Variants in SON observed in about 807,000 individuals in gnomAD.
SON encodes the protein SON DNA and RNA binding protein.
SON carries 4 observed loss-of-function variants against 173.3 expected under a neutral mutation model. That is an observed-to-expected ratio of 0.02 (90% CI 0.01 to 0.05). SON has a LOEUF of 0.05. Among genes scored for constraint, SON ranks in the 10% least tolerant of loss-of-function variants. SON has a pLI of 1.00. For synonymous variants in SON, 1,190 were observed against 1,105.9 expected, an observed-to-expected ratio of 1.08 and a Z score of -1.51; for missense variants, 2,626 against 3,055.3, an observed-to-expected ratio of 0.86 and a Z score of 3.31.
Position 33,549,859 on chromosome 21 carries a change from A to G in SON, c.628A>G (p.Lys210Glu). The change falls in exon 3 of 12, where the codon AAA (lysine) becomes GAA (glutamate). Residue 210 changes from lysine to glutamate, a missense_variant. Physicochemically the swap from Lys to Glu is moderately conservative, Grantham distance 56. Around this residue, in one of 13 missense-constraint regions of SON, gnomAD observed 757 missense variants for 730.1 expected, o/e 1.04. Coordinates refer to ENST00000356577, the MANE Select transcript of SON (RefSeq NM_138927.4). ...HILETLKPAT[K>E]TAELSVVSTS... Reference sequence around the variant, plus strand: ...CTTAGAAACTCTGAAGCCAGCTACAAAAACTGCAGAACTGTCAGTTGTATC... The same window carrying G: ...CTTAGAAACTCTGAAGCCAGCTACAGAAACTGCAGAACTGTCAGTTGTATC... The G allele has an allele frequency of 6.2e-7, 1 of 1,614,254 alleles. No individual in the cohort carries two copies. Among genetic ancestry groups the G allele is most frequent in the Non-Finnish European group, 8.5e-7 (1 of 1,180,048 alleles).
chr21:33,575,684 G>T lies in SON; in HGVS notation c.7105+17G>T, dbSNP rs746796692. 3.1e-6 allele frequency: 5 copies of T among 1,605,978 alleles called. No homozygotes were observed. Among genetic ancestry groups the T allele is most frequent in the Non-Finnish European group, 4.3e-6 (5 of 1,174,488 alleles). ...ATCTGTCAGGTGAGAGCACGTTTTT[G>T]AATTTCCTCTTACCCTAATCCCACC... On this transcript the variant is annotated intron_variant, in intron 10 of 11. Transcript: ENST00000356577.
At position 33,552,881 on chromosome 21, in the gene SON, A is replaced by T. The variant is rs779793339; in HGVS notation, c.3650A>T (p.Gln1217Leu). ...SVSQPEPPVS[Q>L]SEISEPSAVP... is the part of the protein sequence containing the mutation. ...TCGCAGCCTGAGCCTCCTGTGAGTC[A>T]AAGTGAGATTTCGGAGCCTTCAGCA... is the stretch of plus-strand genomic sequence containing the variant. The change falls in exon 3 of 12, where the codon CAA (glutamine) becomes CTA (leucine). Residue 1217 changes from glutamine (Q) to leucine (L), a missense_variant. Coordinates refer to ENST00000356577, the MANE Select transcript of SON (RefSeq NM_138927.4). The surrounding 1 kb of genome is among the most constrained non-coding windows in gnomAD (Gnocchi z 5.6). The T allele has an allele frequency of 1.3e-5, 21 of 1,613,536 alleles. No individual in the cohort carries two copies. The highest frequency in any genetic ancestry group is 1.7e-5 in the Non-Finnish European group (20 of 1,179,480).
At position 33,550,328 on chromosome 21, in the gene SON, A is replaced by G. The variant is rs2085737052; in HGVS notation, c.1097A>G (p.Lys366Arg). The G allele has an allele frequency of 6.2e-7, 1 of 1,613,940 alleles. No homozygotes were observed. Among genetic ancestry groups the G allele is most frequent in the Non-Finnish European group, 8.5e-7 (1 of 1,179,950 alleles). Residue 366 changes from lysine (K) to arginine (R), a missense_variant, in exon 3 of 12, where the codon AAG becomes AGG. Physicochemically the swap from Lys to Arg is conservative, Grantham distance 26. This residue lies in a region of SON where 757 missense variants were observed against 730.1 expected (regional missense o/e 1.04). Transcript: ENST00000356577. ...CCGCAGGAGTTGCCGGAGCTGCCTA[A>G]GACCACAGCGTTGGAGCTGCAGGAG... ...TRPQELPELP[K>R]TTALELQESS...
chr21:33,575,538 G>T, intron 9 of SON, 58 bp from the exon 10 acceptor site: 1 of 1,298,700 alleles, frequency 7.7e-7, no homozygotes, highest in Non-Finnish European at 1.1e-6. Flanking sequence ...CCTACAGAGG[G>T]ATCTTTGTTT....
intron 6 of SON, among the ~76,000 whole-genome samples, chr21:33,562,970 A>C (rs1221140429): frequency 6.6e-6 from 1 of 152,146 alleles, no homozygotes; most frequent in African/African-American, 2.4e-5. Context: ...TTAGATGTTA[A>C]GATCATCTTT....
chr21:33,561,034 C>G (rs927515759), intron 6 of SON: 1 of 152,196 alleles, frequency 6.6e-6, no homozygotes, highest in African/African-American at 2.4e-5. Flanking sequence ...AAGCTATTCA[C>G]AGCTGACATT....
At chr21:33,560,487 A>G in intron 6 of SON, 3 of 1,011,570 alleles carry the variant, frequency 3.0e-6, no homozygotes, top group South Asian at 4.3e-5. Context: ...AATAATGCCA[A>G]GTGTCAAAAC....
At position 33,559,544 on chromosome 21, in the gene SON, G is replaced by T. The variant is rs370314823; in HGVS notation, c.6469-43G>T. On this transcript the variant is annotated intron_variant, in intron 5 of 11. Transcript: ENST00000356577. This position sits in a 1 kb window ranked among gnomAD's most constrained non-coding sequence, Gnocchi z 4.1. ...AGAAAATCTCAAACCATTTAATGTA[G>T]ATATCATATTGAGCTTTAATTAAGA... The T allele has an allele frequency of 4.7e-5, 72 of 1,545,094 alleles. No homozygotes were observed. The highest frequency in any genetic ancestry group is 6.2e-5 in the Non-Finnish European group (70 of 1,136,698).
At chr21:33,573,036 TA>T in intron 8 of SON, 1 of 312,586 alleles carries the variant, frequency 3.2e-6, no homozygotes, top group East Asian at 5.6e-5. Flanking sequence ...AGGAGTGTTC[TA>T]ATTTTTTTTT....
chr21:33,555,585 C>T (rs1338218905), intron 3 of SON, among the ~76,000 whole-genome samples, 194 bp downstream of exon 3: 2 of 152,106 alleles, frequency 1.3e-5, no homozygotes, highest in Non-Finnish European at 2.9e-5. Context: ...GTTAAAAAGT[C>T]CTGTTTCAGA....
intron 1 of SON, 134 bp downstream of exon 1, chr21:33,543,303 C>G: frequency 1.2e-6 from 1 of 800,084 alleles, no homozygotes; most frequent in Non-Finnish European, 2.1e-6. Flanking sequence ...GCCTGGGATC[C>G]ATTTTCCGGG....
chr21:33,573,833 A>G (rs189377497), intron 9 of SON, among the ~76,000 whole-genome samples: 1 of 151,364 alleles, frequency 6.6e-6, no homozygotes, highest in Admixed American at 6.6e-5. Flanking sequence ...TTTTTGTTAG[A>G]TATTTTAGCA....
intron 7 of SON, 69 bp from the exon 8 acceptor site, chr21:33,568,902 G>T (rs1378682325): frequency 1.2e-6 from 1 of 846,272 alleles, no homozygotes; most frequent in Admixed American, 2.3e-5. Context: ...CATTTTTAGT[G>T]AATTATTACC....
intron 6 of SON, among the ~76,000 whole-genome samples, chr21:33,565,805 T>C (rs1229126555): frequency 2.0e-5 from 3 of 152,230 alleles, no homozygotes; most frequent in African/African-American, 7.2e-5. Context: ...AAAGGATTAA[T>C]TTTGTTTTCA....
At chr21:33,555,923 T>TA (rs2085957251) in intron 3 of SON, among the ~76,000 whole-genome samples, 1 of 152,240 alleles carries the variant, frequency 6.6e-6, no homozygotes, top group Non-Finnish European at 1.5e-5. Flanking sequence ...GGGTAGGTGA[T>TA]ACTAGCTAAA....
At chr21:33,573,053 G>A (rs2086321331) in intron 8 of SON, 1 of 326,830 alleles carries the variant, frequency 3.1e-6, no homozygotes. Flanking sequence ...TTTTTTTTGA[G>A]GGGGGCACGA....
chr21:33,551,556 G>A lies in SON; in HGVS notation c.2325G>A (p.Met775Ile). Residue 775 changes from methionine to isoleucine, a missense_variant, in exon 3 of 12, where the codon ATG becomes ATA. This residue lies in a region of SON where 182 missense variants were observed against 193.6 expected (regional missense o/e 0.94). Transcript: ENST00000356577. The part of the protein sequence containing the change: ...MLATSSMDSQ[M>I]LATSSMDSQM... ...CAACTAGCTCCATGGACTCCCAGATGTTAGCAACTAGCTCCATGGACTCCC... is the reference window on the plus strand; with the variant it reads ...CAACTAGCTCCATGGACTCCCAGATATTAGCAACTAGCTCCATGGACTCCC... The A allele has an allele frequency of 6.2e-7, 1 of 1,613,974 alleles. No homozygotes were observed. Among genetic ancestry groups the A allele is most frequent in the East Asian group, 2.2e-5 (1 of 44,884 alleles).
rs186478702 is a variant in SON, at chr21:33,543,946, A to G, written c.77+777A>G. ...TACATAATTTGCGCTTGGCTTCACA[A>G]AATTTGAAGGCGAAGAGATTGTTAA... On this transcript the variant is annotated intron_variant, in intron 1 of 11. Coordinates refer to ENST00000356577, the MANE Select transcript of SON (RefSeq NM_138927.4). Among the ~76,000 whole-genome samples, 26 of 152,324 alleles carry G rather than the reference A, an allele frequency of 1.7e-4. 1 individual carries two copies. Among genetic ancestry groups the G allele is most frequent in the Admixed American group, 1.7e-3 (26 of 15,308 alleles).
Position 33,554,227 on chromosome 21 carries a change from C to T in SON, c.4996C>T (p.Leu1666Phe), listed in dbSNP as rs776908520. ...GCCTTTGCCTGCTAAAGATATTCATCTTGATTTACCATCTAATAATAACCT... is the reference window on the plus strand; with the variant it reads ...GCCTTTGCCTGCTAAAGATATTCATTTTGATTTACCATCTAATAATAACCT... Reference protein sequence around the residue: ...EGPLPAKDIHLDLPSNNNLVS... With the variant: ...EGPLPAKDIHFDLPSNNNLVS... The change falls in exon 3 of 12, where the codon CTT (leucine) becomes TTT (phenylalanine). Residue 1666 changes from leucine to phenylalanine, a missense_variant. Physicochemically the swap from Leu to Phe is conservative, Grantham distance 22. Transcript: ENST00000356577. 1.1e-5 allele frequency: 17 copies of T among 1,613,972 alleles called. No homozygotes were observed. The highest frequency in any genetic ancestry group is 2.7e-5 in the African/African-American group (2 of 74,922).
Sources: gnomAD v4.1 joint callset for allele counts (sites outside exome capture counted in the v4.1 genomes callset) on GRCh38, gnomAD v4.1.1 for gene constraint, gnomAD v4.1.1 regional missense constraint, Gnocchi (gnomAD v3.1) non-coding constraint, MANE v1.5 for transcripts, NCBI Gene and HGNC (gene_info 2026-07-23, HGNC 2026-07-21) for gene names.